The following PSG9 variants were observed in gnomAD, a reference collection of about 807,000 sequenced individuals.
PSG9 encodes the protein pregnancy-specific beta-1-glycoprotein 9.
In PSG9, 49 loss-of-function variants were observed where a neutral mutation model predicts 41.9. The observed-to-expected ratio is 1.17, with a 90% CI of 0.93 to 1.48. The LOEUF (loss-of-function observed/expected upper bound fraction) is 1.48, where lower values mean the gene tolerates loss of function less well. Among genes scored for constraint, PSG9 ranks in the 40% most tolerant of loss-of-function variants. PSG9 has a pLI of 0.00. For synonymous variants in PSG9, 263 were observed against 196.8 expected (o/e 1.34, Z -2.82); for missense variants, 641 against 520.3 (o/e 1.23, Z -2.26).
rs574272595 is a variant in PSG9 at position 43,263,577 on chromosome 19, T to G, written c.431-1439A>C. Among the ~76,000 whole-genome samples, 34 of 149,688 alleles carry G rather than the reference T, an allele frequency of 2.3e-4. 1 individual carries two copies. Among genetic ancestry groups the G allele is most frequent in the African/African-American group, 6.0e-4 (24 of 40,090 alleles). On this transcript the variant is annotated intron_variant, in intron 2 of 5. Transcript: ENST00000270077. ...CAGGAGTTTAGACCTCATGTTGTGT[T>G]CTGACTCTAGTAACAAAAAAAAAAA...
rs138569314 is a variant in PSG9, at chr19:43,258,886, C to G, written c.959G>C (p.Arg320Pro). 1 of 1,586,174 alleles carries G rather than the reference C, an allele frequency of 6.3e-7. No individual in the cohort carries two copies. ...GACATTTAGGATGACTGGGTTACTGCGGAGGCCACCATATCGGTCCCGTAT... is the reference window on the plus strand; with the variant it reads ...GACATTTAGGATGACTGGGTTACTGGGGAGGCCACCATATCGGTCCCGTAT... ...CEIRDRYGGL[R>P]SNPVILNVLY... The change falls in exon 4 of 6, where the codon CGC becomes CCC. Residue 320 changes from arginine (R) to proline (P), a missense_variant. By Grantham distance (103) the Arg-to-Pro change is moderately radical. Transcript: ENST00000270077.
At chr19:43,269,150 G>A (rs1420484146) in intron 1 of PSG9, among the ~76,000 whole-genome samples, 1 of 151,900 alleles carries the variant, frequency 6.6e-6, no homozygotes, top group Non-Finnish European at 1.5e-5. Flanking sequence ...GATTACAGGA[G>A]TACACCACCA....
rs1453242354 is a variant in PSG9, at chr19:43,262,228, C to G, written c.431-90G>C. Reference sequence around the variant, plus strand: ...CAGTCAGAGTTGGCATTTCCCACCTCTCAGCCCAACCCAGTCCTTAAAAGC... The same window carrying G: ...CAGTCAGAGTTGGCATTTCCCACCTGTCAGCCCAACCCAGTCCTTAAAAGC... On this transcript the variant is annotated intron_variant, in intron 2 of 5. Transcript: ENST00000270077. 11 of 1,545,584 alleles carry G rather than the reference C, an allele frequency of 7.1e-6. No homozygotes were observed. The African/African-American group carries it at 1.1e-4, about 15-fold the overall frequency.
intron 3 of PSG9, chr19:43,259,890 C>T (rs1968628589): frequency 6.8e-6 from 1 of 147,030 alleles, no homozygotes; most frequent in Non-Finnish European, 1.5e-5. Flanking sequence ...AGTTTCCTCT[C>T]CTTCTGCAGA....
intron 3 of PSG9, chr19:43,259,498 C>T (rs942992091): frequency 1.9e-4 from 51 of 274,690 alleles, no homozygotes; most frequent in Middle Eastern, 1.1e-3. Flanking sequence ...TGCTGGGCCC[C>T]TTCCAAATTC....
rs1394531560 is a variant in PSG9, at chr19:43,259,229, G to T, written c.710-94C>A. On this transcript the variant is annotated intron_variant, in intron 3 of 5. Coordinates refer to ENST00000270077, the MANE Select transcript of PSG9 (RefSeq NM_002784.5). ...CAGAGTTGGCATCTCCCACCTCTCA[G>T]CCCACCCGAGTCCTTGAAAGCCAAT... The T allele has an allele frequency of 1.1e-5, 16 of 1,512,096 alleles. 2 individuals are homozygous for T. Among genetic ancestry groups the T allele is most frequent in the Non-Finnish European group, 1.4e-5 (16 of 1,131,614 alleles). 93.7% of individuals were successfully genotyped at this position (1,512,096 alleles called of 1,614,324 possible).
At chr19:43,264,100 C>T (rs1363832341) in intron 2 of PSG9, among the ~76,000 whole-genome samples, 2 of 151,998 alleles carry the variant, frequency 1.3e-5, no homozygotes, top group Non-Finnish European at 2.9e-5. Flanking sequence ...AGAACTCCAA[C>T]TTATGAAAAT....
chr19:43,258,057 T>C lies in PSG9; in HGVS notation c.1243+145A>G, dbSNP rs758337749. On this transcript the variant is annotated intron_variant, in intron 5 of 5. Transcript: ENST00000270077. ...GGAGAAGAGAGTCTGTAGAGACAAA[T>C]TGGGAGGGTTCAGGAGGAGAATTTG... 98 of 1,582,714 alleles carry C rather than the reference T, an allele frequency of 6.2e-5. 7 individuals are homozygous for C. The highest frequency in any genetic ancestry group is 8.8e-5 in the Admixed American group (5 of 56,994).
chr19:43,261,878 C>G lies in PSG9; in HGVS notation c.691G>C (p.Val231Leu). Reference sequence around the variant, plus strand: ...TACTCACGGAGGAGATTCAGGGTGACTGGGTCACTGCGACTGGCACTCACT... The same window carrying G: ...TACTCACGGAGGAGATTCAGGGTGAGTGGGTCACTGCGACTGGCACTCACT... ...NPVSASRSDP[V>L]TLNLLPKLPI... Residue 231 changes from valine (V) to leucine (L), a missense_variant, in exon 3 of 6, where the codon GTC becomes CTC. Physicochemically the swap from Val to Leu is conservative, Grantham distance 32. Transcript: ENST00000270077. 2 of 1,614,088 alleles carry G rather than the reference C, an allele frequency of 1.2e-6. No individual in the cohort carries two copies.
At chr19:43,257,717 G>T (rs190851685) in intron 5 of PSG9, 2 of 1,148,888 alleles carry the variant, frequency 1.7e-6, no homozygotes, top group Admixed American at 9.0e-5. Flanking sequence ...AGAGGAGCCC[G>T]GAGCAGAGCA....
At chr19:43,262,286 C>T (rs549633231) in intron 2 of PSG9, 148 bp from the exon 3 acceptor site, 3 of 1,450,292 alleles carry the variant, frequency 2.1e-6, no homozygotes, top group African/African-American at 1.4e-5. Context: ...AAGACAGATG[C>T]ATGGCAATCT....
rs890263748 is a variant in PSG9, at chr19:43,257,478, TCCCACGTGCTGTGC to T, written c.1243+710_1243+723del. ...ATCAGTCACTGTCCTCCGTGCTGTG[TCCCACGTGCTGTGC>T]CCAAAGCCTCATACAGCTGGTGACT... On this transcript the variant is annotated intron_variant, in intron 5 of 5. Transcript: ENST00000270077. The T allele has an allele frequency of 2.9e-5, 28 of 976,920 alleles. 4 individuals are homozygous for T. The African/African-American group carries it at 4.8e-4, about 17-fold the overall frequency. The allele number at this position is 976,920 out of a possible 1,614,324, so 60.5% of individuals were successfully genotyped here.
chr19:43,261,370 G>C (rs1246135481), intron 3 of PSG9, among the ~76,000 whole-genome samples: 4 of 152,186 alleles, frequency 2.6e-5, no homozygotes, highest in Middle Eastern at 3.2e-3. Flanking sequence ...CTCTGCCAGT[G>C]GGTGAGAGTC....
At chr19:43,256,432 A>G (rs1191940311) in intron 5 of PSG9, among the ~76,000 whole-genome samples, 1 of 146,974 alleles carries the variant, frequency 6.8e-6, no homozygotes, top group Non-Finnish European at 1.5e-5. Context: ...ATATTTGCAA[A>G]TTATATGTGT....
rs1206159314 is a variant in PSG9 at position 43,262,221 on chromosome 19, C to T, written c.431-83G>A. On this transcript the variant is annotated intron_variant, in intron 2 of 5. Coordinates refer to ENST00000270077, the MANE Select transcript of PSG9 (RefSeq NM_002784.5). Reference sequence around the variant, plus strand: ...CATTTTTCAGTCAGAGTTGGCATTTCCCACCTCTCAGCCCAACCCAGTCCT... The same window carrying T: ...CATTTTTCAGTCAGAGTTGGCATTTTCCACCTCTCAGCCCAACCCAGTCCT... 49 of 1,553,266 alleles carry T rather than the reference C, an allele frequency of 3.2e-5. 2 individuals are homozygous for T. The highest frequency in any genetic ancestry group is 4.1e-5 in the Non-Finnish European group (47 of 1,150,520).
chr19:43,254,117 G>C (rs1275151117), intron 5 of PSG9, among the ~76,000 whole-genome samples: 4 of 145,250 alleles, frequency 2.8e-5, no homozygotes, highest in Non-Finnish European at 6.0e-5. Context: ...CATATATATG[G>C]AAAAAGGTAG....
rs565274731 is a variant in PSG9 at position 43,267,831 on chromosome 19, C to A, written c.383G>T (p.Gly128Val). 1.9e-5 allele frequency: 31 copies of A among 1,613,400 alleles called. No homozygotes were observed. The highest frequency in any genetic ancestry group is 8.3e-5 in the Admixed American group (5 of 59,962). Residue 128 changes from glycine to valine, a missense_variant, in exon 2 of 6, where the codon GGT becomes GTT. Gly to Val is a moderately radical substitution (Grantham distance 109). Transcript: ENST00000270077. ...TCGAATTTCTTCTCTAGTCTCATCA[C>A]CTCGCTTTATGATGTGTAAGGTGTA... Reference protein sequence around the residue: ...GTYTLHIIKRGDETREEIRHF... With the variant: ...GTYTLHIIKRVDETREEIRHF...
chr19:43,267,927 C>T lies in PSG9; in HGVS notation c.287G>A (p.Ser96Asn). The change falls in exon 2 of 6, where the codon AGT (serine) becomes AAT (asparagine). Residue 96 changes from serine to asparagine, a missense_variant. Ser to Asn is a conservative substitution (Grantham distance 46). Transcript: ENST00000270077. ...GTTGGAATATACTGTTTCTCTTCCA[C>T]TGTATGCAGGCCCATATATAATTAT... is the stretch of plus-strand genomic sequence containing the variant. ...GKIIIYGPAY[S>N]GRETVYSNAS... is the part of the protein sequence containing the mutation. 6.2e-7 allele frequency: 1 copy of T among 1,613,780 alleles called. No homozygotes were observed. The highest frequency in any genetic ancestry group is 8.5e-7 in the Non-Finnish European group (1 of 1,179,764).
chr19:43,254,106 C>T (rs1320055294), intron 5 of PSG9, among the ~76,000 whole-genome samples: 4 of 145,340 alleles, frequency 2.8e-5, no homozygotes, highest in African/African-American at 1.1e-4. Flanking sequence ...ACCTCTTTTT[C>T]CATATATATG....
Sources: gnomAD v4.1 joint callset for allele counts (sites outside exome capture counted in the v4.1 genomes callset) on GRCh38, gnomAD v4.1.1 for gene constraint, MANE v1.5 for transcripts, NCBI Gene and HGNC (gene_info 2026-07-23, HGNC 2026-07-21) for gene names.